PLAC8L1: variants seen among roughly 807,000 people sequenced by gnomAD.
PLAC8L1 encodes the protein PLAC8-like protein 1.
A neutral mutation model predicts 16.3 loss-of-function variants in PLAC8L1; 13 were observed. The ratio of observed to expected loss-of-function variants is 0.80; its 90% CI spans 0.52 to 1.27. PLAC8L1 has a LOEUF of 1.27. PLAC8L1 is among the 50% of genes most tolerant of loss of function. The pLI is 0.00. For synonymous variants in PLAC8L1, 78 were observed against 79.3 expected (o/e 0.98, Z 0.09); for missense variants, 184 against 220.2 (o/e 0.84, Z 1.04).
intron 1 of PLAC8L1, among the ~76,000 whole-genome samples, chr5:146,101,991 A>G (rs1226726143): frequency 6.6e-6 from 1 of 150,940 alleles, no homozygotes; most frequent in African/African-American, 2.4e-5. Flanking sequence ...AACTAACAGG[A>G]TAGCTTTTCC....
intron 2 of PLAC8L1, 83 bp downstream of exon 2, chr5:146,098,073 G>A: frequency 2.1e-6 from 3 of 1,422,856 alleles, no homozygotes; most frequent in Non-Finnish European, 2.9e-6. Flanking sequence ...TTCTGTCCTT[G>A]TGCCTGCTGT....
chr5:146,085,683 C>T, intron 2 of PLAC8L1, 86 bp from the exon 3 acceptor site: 1 of 1,445,252 alleles, frequency 6.9e-7, no homozygotes, highest in Non-Finnish European at 9.4e-7. Flanking sequence ...AACATTATGC[C>T]ACCAGTTTAA....
intron 2 of PLAC8L1, among the ~76,000 whole-genome samples, chr5:146,093,745 C>T (rs978470122): frequency 6.6e-6 from 1 of 152,140 alleles, no homozygotes; most frequent in African/African-American, 2.4e-5. Context: ...GACATGAATC[C>T]CAGTCCAATG....
intron 2 of PLAC8L1, among the ~76,000 whole-genome samples, chr5:146,086,045 T>A (rs1763508992): frequency 7.1e-6 from 1 of 140,240 alleles, no homozygotes; most frequent in Non-Finnish European, 1.5e-5. Flanking sequence ...TTTTTTTTTT[T>A]TTGAGACGGA....
At chr5:146,095,268 T>G (rs1199896038) in intron 2 of PLAC8L1, among the ~76,000 whole-genome samples, 3 of 152,198 alleles carry the variant, frequency 2.0e-5, no homozygotes, top group Non-Finnish European at 4.4e-5. Flanking sequence ...TCAGAATTCA[T>G]GCCAATTGTA....
intron 1 of PLAC8L1, 71 bp downstream of exon 1, chr5:146,104,122 A>C: frequency 6.4e-7 from 1 of 1,560,802 alleles, no homozygotes; most frequent in Non-Finnish European, 8.7e-7. Flanking sequence ...CTGGTTCCTT[A>C]TAAGTAGAGG....
chr5:146,089,540 A>G (rs1763575826), intron 2 of PLAC8L1, among the ~76,000 whole-genome samples: 1 of 152,124 alleles, frequency 6.6e-6, no homozygotes, highest in African/African-American at 2.4e-5. Flanking sequence ...CATCAGTGAA[A>G]GGCAGAGGAG....
chr5:146,094,383 T>C (rs1763677370), intron 2 of PLAC8L1, among the ~76,000 whole-genome samples: 1 of 152,160 alleles, frequency 6.6e-6, no homozygotes, highest in Non-Finnish European at 1.5e-5. Context: ...ACCCAGCCTA[T>C]AGATTTGTTT....
chr5:146,084,547 G>A lies in PLAC8L1; in HGVS notation c.419C>T (p.Ala140Val), dbSNP rs775692764. The A allele has an allele frequency of 6.2e-6, 10 of 1,613,608 alleles. No homozygotes were observed. Among genetic ancestry groups the A allele is most frequent in the East Asian group, 2.2e-5 (1 of 44,870 alleles). ...IQGTLCEDWL[A>V]VHCCWAFSIC... ...GGAAAAAGCCCAACAGCAGTGCACC[G>A]CCAGCCAGTCTTCACACAGTGTGCC... is the stretch of plus-strand genomic sequence containing the variant. The change falls in exon 4 of 4, where the codon GCG becomes GTG. Residue 140 changes from alanine (A) to valine (V), a missense_variant. Coordinates refer to ENST00000311450, the MANE Select transcript of PLAC8L1 (RefSeq NM_001029869.3).
intron 2 of PLAC8L1, among the ~76,000 whole-genome samples, chr5:146,091,881 T>C (rs1231376426): frequency 6.6e-6 from 1 of 152,150 alleles, no homozygotes; most frequent in Non-Finnish European, 1.5e-5. Context: ...GTAAATGTAT[T>C]GTTACTAGTG....
chr5:146,093,558 A>G (rs1763659233), intron 2 of PLAC8L1, among the ~76,000 whole-genome samples: 1 of 152,160 alleles, frequency 6.6e-6, no homozygotes, highest in South Asian at 2.1e-4. Context: ...GAGTTTTTCA[A>G]TTAAATTTGA....
chr5:146,092,134 C>A (rs1561783426), intron 2 of PLAC8L1, among the ~76,000 whole-genome samples: 1 of 151,828 alleles, frequency 6.6e-6, no homozygotes. Flanking sequence ...TGTGGAGCCC[C>A]GAGATTAGAA....
In PLAC8L1 at chr5:146,085,604, A is replaced by G. The variant is rs890779712; in HGVS notation, c.257-7T>C. The stretch of plus-strand genomic sequence containing the variant: ...CAGAATAGACCACAGAAACCTGTCA[A>G]TAACCACATCCAAAAAGCCAAGGTT... On this transcript the variant is annotated splice_region_variant and splice_polypyrimidine_tract_variant and intron_variant, in intron 2 of 3. Transcript: ENST00000311450. 5 of 1,600,684 alleles carry G rather than the reference A, an allele frequency of 3.1e-6. No individual in the cohort carries two copies. In the African/African-American group the frequency reaches 6.7e-5, roughly 21 times the overall value.
chr5:146,097,836 G>C (rs1433931075), intron 2 of PLAC8L1, among the ~76,000 whole-genome samples: 1 of 152,182 alleles, frequency 6.6e-6, no homozygotes, highest in Non-Finnish European at 1.5e-5. Context: ...TATATGGATT[G>C]CTAAACCATC....
At chr5:146,089,777 C>T (rs1168376792) in intron 2 of PLAC8L1, among the ~76,000 whole-genome samples, 5 of 146,914 alleles carry the variant, frequency 3.4e-5, no homozygotes, top group Non-Finnish European at 5.9e-5. Flanking sequence ...CTTCCTCTGT[C>T]GCCCAGGCTG....
rs58130114 is a variant in PLAC8L1, at chr5:146,086,024, C to CTTTTTTTTTTT, written c.257-438_257-428dup. 4.8e-3 allele frequency among the ~76,000 whole-genome samples: 438 copies of CTTTTTTTTTTT among 90,376 alleles called. 50 individuals carry two copies. Among genetic ancestry groups the CTTTTTTTTTTT allele is most frequent in the African/African-American group, 0.018 (397 of 21,644 alleles). The allele number at this position is 90,376 out of a possible 152,430, so 59.3% of individuals were successfully genotyped here. On this transcript the variant is annotated intron_variant, in intron 2 of 3. Transcript: ENST00000311450. ...ATTTCTATAAGTGTAATTGAAAGGT[C>CTTTTTTTTTTT]TTTTTTTTTTTTTTTTTTTTTTTGA...
At chr5:146,096,992 G>C (rs1763728177) in intron 2 of PLAC8L1, among the ~76,000 whole-genome samples, 2 of 152,146 alleles carry the variant, frequency 1.3e-5, no homozygotes, top group African/African-American at 4.8e-5. Flanking sequence ...TGAGGCATTA[G>C]GACAAATTCA....
intron 2 of PLAC8L1, 52 bp from the exon 3 acceptor site, chr5:146,085,649 CT>C: frequency 6.4e-7 from 1 of 1,565,026 alleles, no homozygotes; most frequent in Non-Finnish European, 8.7e-7. Flanking sequence ...CTTGGAGCAA[CT>C]TCACATCTCA....
chr5:146,088,951 G>A (rs1763566101), intron 2 of PLAC8L1, among the ~76,000 whole-genome samples: 2 of 152,112 alleles, frequency 1.3e-5, no homozygotes, highest in African/African-American at 2.4e-5. Context: ...TTACAAAATA[G>A]TGTAAATCCC....
Sources: gnomAD v4.1 joint callset for allele counts (sites outside exome capture counted in the v4.1 genomes callset) on GRCh38, gnomAD v4.1.1 for gene constraint, MANE v1.5 for transcripts, NCBI Gene and HGNC (gene_info 2026-07-23, HGNC 2026-07-21) for gene names.